MACROD2: variants seen among roughly 807,000 people sequenced by gnomAD.
The protein encoded by MACROD2 is ADP-ribose glycohydrolase MACROD2.
A neutral mutation model predicts 70.4 loss-of-function variants in MACROD2; 36 were observed. The ratio of observed to expected loss-of-function variants is 0.51; its 90% CI spans 0.39 to 0.68. The LOEUF (loss-of-function observed/expected upper bound fraction) is 0.68, where lower values mean the gene tolerates loss of function less well. MACROD2 is among the 30% of genes least tolerant of loss of function. The pLI is 0.00. For missense variants in MACROD2, 496 were observed against 538.4 expected (o/e 0.92, Z 0.78); for synonymous variants, 172 against 178.8 (o/e 0.96, Z 0.30).
chr20:15,737,629 G>A (rs1479041651), intron 8 of MACROD2, among the ~76,000 whole-genome samples: 2 of 152,158 alleles, frequency 1.3e-5, no homozygotes, highest in Middle Eastern at 3.2e-3. Flanking sequence ...AAGAACAGTG[G>A]CATTGCTATG....
At chr20:14,165,183 A>G (rs888481223) in intron 3 of MACROD2, among the ~76,000 whole-genome samples, 1 of 152,056 alleles carries the variant, frequency 6.6e-6, no homozygotes, top group Non-Finnish European at 1.5e-5. Flanking sequence ...ACTCAGTATG[A>G]GCTCTCTCTG....
intron 8 of MACROD2, among the ~76,000 whole-genome samples, chr20:15,820,165 C>A (rs2063923778): frequency 6.6e-6 from 1 of 152,088 alleles, no homozygotes; most frequent in Non-Finnish European, 1.5e-5. Context: ...CCATCCTCCA[C>A]CCCTCTGCCC....
At chr20:14,955,773 G>T (rs977945543) in intron 5 of MACROD2, among the ~76,000 whole-genome samples, 1 of 152,104 alleles carries the variant, frequency 6.6e-6, no homozygotes, top group African/African-American at 2.4e-5. Context: ...TGAGCTTGGG[G>T]CCCCAAAACT....
At chr20:15,854,903 C>A (rs2064339983) in intron 8 of MACROD2, among the ~76,000 whole-genome samples, 1 of 152,188 alleles carries the variant, frequency 6.6e-6, no homozygotes, top group African/African-American at 2.4e-5. Context: ...TAAGCAGCAG[C>A]CACTGTTTTA....
intron 3 of MACROD2, among the ~76,000 whole-genome samples, chr20:14,199,367 A>AAAAAACT (rs1331590196): frequency 6.6e-6 from 1 of 152,232 alleles, no homozygotes; most frequent in East Asian, 1.9e-4. Flanking sequence ...TCTGTAAAAA[A>AAAAAACT]TGTTTCAGGA....
chr20:16,011,910 C>T (rs1459323238), intron 15 of MACROD2, among the ~76,000 whole-genome samples: 1 of 152,198 alleles, frequency 6.6e-6, no homozygotes, highest in Non-Finnish European at 1.5e-5. Context: ...ATCAGTGATG[C>T]CCCCAGTGAT....
At chr20:14,365,854 T>C (rs751923805) in intron 3 of MACROD2, among the ~76,000 whole-genome samples, 2 of 152,210 alleles carry the variant, frequency 1.3e-5, no homozygotes, top group African/African-American at 2.4e-5. Flanking sequence ...GTGATTTCTT[T>C]GGCCTAATAG....
At chr20:14,571,678 A>G (rs1177017202) in intron 4 of MACROD2, among the ~76,000 whole-genome samples, 8 of 152,090 alleles carry the variant, frequency 5.3e-5, no homozygotes, top group Non-Finnish European at 5.9e-5. Flanking sequence ...ATTGGAATAT[A>G]GATAAGTATT....
intron 7 of MACROD2, among the ~76,000 whole-genome samples, chr20:15,488,519 A>T (rs767131459): frequency 2.6e-5 from 4 of 152,212 alleles, no homozygotes; most frequent in Non-Finnish European, 5.9e-5. Flanking sequence ...TGATAAGAGC[A>T]GCAAAAGACC....
At chr20:15,355,636 ACT>A (rs960369970) in intron 6 of MACROD2, among the ~76,000 whole-genome samples, 2 of 152,076 alleles carry the variant, frequency 1.3e-5, no homozygotes, top group African/African-American at 4.8e-5. Context: ...CAAAGTTTCA[ACT>A]CTTTAATCAT....
intron 5 of MACROD2, among the ~76,000 whole-genome samples, chr20:15,201,270 A>G (rs1240450388): frequency 6.6e-6 from 1 of 152,072 alleles, no homozygotes; most frequent in African/African-American, 2.4e-5. Flanking sequence ...AAATAAGCCA[A>G]ATGATGAGTG....
intron 4 of MACROD2, among the ~76,000 whole-genome samples, chr20:14,510,565 A>G (rs892505049): frequency 6.6e-6 from 1 of 152,114 alleles, no homozygotes; most frequent in African/African-American, 2.4e-5. Flanking sequence ...AAATGATAGA[A>G]TGATGTAATG....
intron 4 of MACROD2, among the ~76,000 whole-genome samples, chr20:14,528,260 C>T (rs1008662007): frequency 6.6e-6 from 1 of 151,706 alleles, no homozygotes; most frequent in Non-Finnish European, 1.5e-5. Context: ...CAGGCATGCG[C>T]CACCACACCT....
chr20:15,831,168 G>A (rs545135110), intron 8 of MACROD2, among the ~76,000 whole-genome samples: 28 of 152,258 alleles, frequency 1.8e-4, no homozygotes, highest in African/African-American at 6.7e-4. Context: ...TCCTTTATGG[G>A]TGATGTTCTC....
chr20:14,233,198 T>C (rs1226743567), intron 3 of MACROD2, among the ~76,000 whole-genome samples: 2 of 151,894 alleles, frequency 1.3e-5, no homozygotes, highest in East Asian at 1.9e-4. Flanking sequence ...AAAATAATAA[T>C]GGAAATGTCT....
chr20:15,764,998 C>T (rs184581798), intron 8 of MACROD2, among the ~76,000 whole-genome samples: 2 of 152,212 alleles, frequency 1.3e-5, no homozygotes, highest in East Asian at 3.9e-4. Flanking sequence ...TTGCTGTTCC[C>T]TCTGCTTGGA....
intron 8 of MACROD2, among the ~76,000 whole-genome samples, chr20:15,782,992 G>A (rs1049259707): frequency 2.6e-5 from 4 of 151,698 alleles, no homozygotes; most frequent in Admixed American, 6.6e-5. Context: ...TCCTAGCTGA[G>A]GTAAATATTT....
rs2076581759 is a variant in MACROD2, at chr20:15,192,985, AG to A, written c.419-36954del. ...TCTGAGTCTTTATTAACAGAGACAG[AG>A]CTGTCAGCTTTGTGCTGTCCTGGTG... On this transcript the variant is annotated intron_variant, in intron 5 of 17. Transcript: ENST00000684519. 3.3e-5 allele frequency among the ~76,000 whole-genome samples: 5 copies of A among 152,308 alleles called. No individual in the cohort carries two copies. The South Asian group carries it at 1.0e-3, about 32-fold the overall frequency.
At chr20:14,728,067 T>C (rs1291817236) in intron 5 of MACROD2, among the ~76,000 whole-genome samples, 1 of 152,190 alleles carries the variant, frequency 6.6e-6, no homozygotes, top group Non-Finnish European at 1.5e-5. Flanking sequence ...AGTAATTTCT[T>C]CTCTTATTTA....
Sources: allele counts gnomAD v4.1 joint callset (sites outside exome capture counted in the v4.1 genomes callset), GRCh38; gene constraint gnomAD v4.1.1; transcripts MANE v1.5; gene names NCBI Gene and HGNC (gene_info 2026-07-23, HGNC 2026-07-21).